Variants in ASTN2 observed in about 807,000 individuals in gnomAD.
The protein encoded by ASTN2 is astrotactin-2.
Under a neutral mutation model 139.8 loss-of-function variants are expected in ASTN2, and 54 were observed. That is an observed-to-expected ratio of 0.39 (90% CI 0.31 to 0.48). The LOEUF (loss-of-function observed/expected upper bound fraction) is 0.48. ASTN2 is among the 20% of genes least tolerant of loss of function. ASTN2 has a pLI of 0.95. For missense variants in ASTN2, 1,565 were observed against 1,725.1 expected (o/e 0.91, Z 1.64); for synonymous variants, 756 against 719.5 (o/e 1.05, Z -0.81).
At chr9:116,987,868 A>T (rs1383205974) in intron 7 of ASTN2, among the ~76,000 whole-genome samples, 1 of 152,242 alleles carries the variant, frequency 6.6e-6, no homozygotes, top group African/African-American at 2.4e-5. Context: ...GACAGATCTG[A>T]TAACTGAGAT....
chr9:117,124,822 A>C (rs1301161736), intron 4 of ASTN2, among the ~76,000 whole-genome samples: 1 of 151,888 alleles, frequency 6.6e-6, no homozygotes, highest in Non-Finnish European at 1.5e-5. Context: ...AAAAAAAAAA[A>C]AAAAGCTGCA....
chr9:117,203,789 T>A (rs1831816573), intron 3 of ASTN2, among the ~76,000 whole-genome samples: 1 of 152,156 alleles, frequency 6.6e-6, no homozygotes, highest in Non-Finnish European at 1.5e-5. Flanking sequence ...GGTTCGCTCC[T>A]GCATAGGGTA....
At position 116,837,746 on chromosome 9, in the gene ASTN2, G is replaced by A. The variant is rs574381143; in HGVS notation, c.2041-16963C>T. Among the ~76,000 whole-genome samples the A allele has an allele frequency of 1.4e-4, 21 of 152,320 alleles. 1 individual carries two copies. Among genetic ancestry groups the A allele is most frequent in the African/African-American group, 5.1e-4 (21 of 41,574 alleles). ...CAGAACAATTTGTCCTAGGGCCTGA[G>A]TGAATCATATGGTAAATAAGCCTGG... On this transcript the variant is annotated intron_variant, in intron 11 of 22. Transcript: ENST00000313400.
At chr9:117,027,560 C>A (rs150635647) in intron 6 of ASTN2, among the ~76,000 whole-genome samples, 20 of 152,276 alleles carry the variant, frequency 1.3e-4, no homozygotes, top group Admixed American at 1.3e-4. Context: ...TCTCTCCCCC[C>A]ACCTCCAACA....
intron 1 of ASTN2, among the ~76,000 whole-genome samples, chr9:117,295,814 C>T (rs1295470026): frequency 6.6e-6 from 1 of 151,794 alleles, no homozygotes; most frequent in African/African-American, 2.4e-5. Flanking sequence ...AAAAGACTCT[C>T]CCAGCTTGCA....
chr9:117,241,811 G>A (rs1833215596), intron 2 of ASTN2, among the ~76,000 whole-genome samples: 1 of 151,880 alleles, frequency 6.6e-6, no homozygotes, highest in African/African-American at 2.4e-5. Flanking sequence ...TTAGGGAGTG[G>A]TAGGGACTGT....
intron 19 of ASTN2, among the ~76,000 whole-genome samples, chr9:116,573,034 C>CACAT (rs897983084): frequency 2.0e-5 from 3 of 148,216 alleles, no homozygotes; most frequent in Non-Finnish European, 4.5e-5. Flanking sequence ...CACACACACA[C>CACAT]ATATATACAC....
At chr9:116,588,692 T>C (rs1854259289) in intron 19 of ASTN2, among the ~76,000 whole-genome samples, 1 of 152,228 alleles carries the variant, frequency 6.6e-6, no homozygotes, top group African/African-American at 2.4e-5. Flanking sequence ...TAGTTTTTTT[T>C]CTCTGACACC....
At chr9:117,082,389 C>A (rs1487181329) in intron 5 of ASTN2, among the ~76,000 whole-genome samples, 4 of 152,142 alleles carry the variant, frequency 2.6e-5, no homozygotes, top group Non-Finnish European at 4.4e-5. Context: ...GTTCCTGTAT[C>A]TAAACCTTCC....
intron 19 of ASTN2, among the ~76,000 whole-genome samples, chr9:116,539,751 A>G (rs1851802619): frequency 6.6e-6 from 1 of 152,224 alleles, no homozygotes; most frequent in South Asian, 2.1e-4. Flanking sequence ...AGATTTCATC[A>G]CACTGCTCAG....
At chr9:117,072,058 A>T (rs1476545272) in intron 5 of ASTN2, among the ~76,000 whole-genome samples, 2 of 152,158 alleles carry the variant, frequency 1.3e-5, no homozygotes, top group East Asian at 3.9e-4. Flanking sequence ...ACAGATTAAG[A>T]CATTGAATCC....
At chr9:117,260,605 C>T (rs1041771970) in intron 2 of ASTN2, among the ~76,000 whole-genome samples, 4 of 152,276 alleles carry the variant, frequency 2.6e-5, no homozygotes, top group Non-Finnish European at 5.9e-5. Flanking sequence ...ATTGTGATTT[C>T]TTTATGTGGT....
At chr9:117,412,655 T>C (rs1831200339) in intron 1 of ASTN2, among the ~76,000 whole-genome samples, 1 of 152,106 alleles carries the variant, frequency 6.6e-6, no homozygotes. Context: ...GACCGTCTCA[T>C]CCCTTCACTT....
At chr9:117,098,434 T>C (rs111617061) in intron 4 of ASTN2, among the ~76,000 whole-genome samples, 2,489 of 152,276 alleles carry the variant, frequency 0.016, 32 homozygotes, top group Non-Finnish European at 0.027. Flanking sequence ...GAAAGATTAA[T>C]ATCTGCCTCC....
chr9:117,179,355 A>G (rs1344110475), intron 3 of ASTN2, among the ~76,000 whole-genome samples: 1 of 152,094 alleles, frequency 6.6e-6, no homozygotes, highest in East Asian at 1.9e-4. Context: ...GTGTGTGTGT[A>G]TGTATATATA....
At position 117,414,248 on chromosome 9, in the gene ASTN2, G is replaced by C. The variant is rs1406374061; in HGVS notation, c.442+249C>G. On this transcript the variant is annotated intron_variant, in intron 1 of 22. Transcript: ENST00000313400. The surrounding 1 kb of genome is among the most constrained non-coding windows in gnomAD (Gnocchi z 4.2). ...GCAGAGCTCCAGGTCGGGACTGAGA[G>C]GCAGAGGGGCAGGTTCCCACTGCGG... is the stretch of plus-strand genomic sequence containing the variant. Among the ~76,000 whole-genome samples the C allele has an allele frequency of 6.6e-6, 1 of 152,106 alleles. No individual in the cohort carries two copies. Among genetic ancestry groups the C allele is most frequent in the East Asian group, 1.9e-4 (1 of 5,146 alleles).
chr9:116,897,396 A>C (rs1033356213), intron 10 of ASTN2, among the ~76,000 whole-genome samples: 3 of 152,200 alleles, frequency 2.0e-5, no homozygotes, highest in Admixed American at 2.0e-4. Context: ...TCAAACTCAC[A>C]ATCAAGGATT....
intron 10 of ASTN2, among the ~76,000 whole-genome samples, chr9:116,927,104 C>T (rs1211242170): frequency 1.3e-5 from 2 of 152,212 alleles, no homozygotes; most frequent in Non-Finnish European, 2.9e-5. Context: ...ACCAAAGAAA[C>T]CCATTTTCAT....
At chr9:116,857,043 A>G (rs1832758817) in intron 11 of ASTN2, among the ~76,000 whole-genome samples, 1 of 152,072 alleles carries the variant, frequency 6.6e-6, no homozygotes, top group Non-Finnish European at 1.5e-5. Flanking sequence ...CCAGTTTCCT[A>G]CCAGATAGTT....
Sources: gnomAD v4.1 joint callset for allele counts (sites outside exome capture counted in the v4.1 genomes callset) on GRCh38, gnomAD v4.1.1 for gene constraint, Gnocchi (gnomAD v3.1) non-coding constraint, MANE v1.5 for transcripts, NCBI Gene and HGNC (gene_info 2026-07-23, HGNC 2026-07-21) for gene names.